PARD3B: variants seen among roughly 807,000 people sequenced by gnomAD.
The protein encoded by PARD3B is partitioning defective 3 homolog B.
A neutral mutation model predicts 130.2 loss-of-function variants in PARD3B; 103 were observed. The observed-to-expected ratio is 0.79, with a 90% confidence interval of 0.67 to 0.93. The LOEUF is 0.93. Ranked by LOEUF, PARD3B falls within the 40% of genes least tolerant of loss-of-function variation. The probability of loss-of-function intolerance (pLI) is 0.00; values close to 1 mark genes in which losing one functional copy is unlikely to be tolerated. For missense variants in PARD3B, 1,609 were observed against 1,499.2 expected, an observed-to-expected ratio of 1.07 and a Z score of -1.21; for synonymous variants, 583 against 553.2, an observed-to-expected ratio of 1.05 and a Z score of -0.76.
rs2041989911 is a variant in PARD3B, at chr2:205,301,341, A to G, written c.2393-123A>G. On this transcript the variant is annotated intron_variant, in intron 17 of 22. Coordinates refer to ENST00000406610, the MANE Select transcript of PARD3B (RefSeq NM_001302769.2). The surrounding 1 kb of genome is among the most constrained non-coding windows in gnomAD (Gnocchi z 5.2). ...ATCTTCAAAGGGCGCACGTAACCACATAGAAGGGTAGAACTACAGAGTGCT... is the reference window on the plus strand; with the variant it reads ...ATCTTCAAAGGGCGCACGTAACCACGTAGAAGGGTAGAACTACAGAGTGCT... 5 of 1,482,892 alleles carry G rather than the reference A, an allele frequency of 3.4e-6. No individual in the cohort carries two copies. Among genetic ancestry groups the G allele is most frequent in the Admixed American group, 2.4e-5 (1 of 42,124 alleles). The allele number at this position is 1,482,892 out of a possible 1,614,324, so 91.9% of individuals were successfully genotyped here.
At chr2:204,764,743 T>TG (rs1559126865) in intron 2 of PARD3B, among the ~76,000 whole-genome samples, 1 of 151,116 alleles carries the variant, frequency 6.6e-6, no homozygotes, top group Non-Finnish European at 1.5e-5. Context: ...TGTGTGTGTG[T>TG]AGTTAATTTT....
At chr2:205,098,320 T>A (rs1382100063) in intron 4 of PARD3B, among the ~76,000 whole-genome samples, 2 of 152,170 alleles carry the variant, frequency 1.3e-5, no homozygotes, top group Non-Finnish European at 2.9e-5. Flanking sequence ...TGCAGTTAAA[T>A]TTTATGGGCA....
intron 1 of PARD3B, among the ~76,000 whole-genome samples, chr2:204,634,816 G>C (rs2034813584): frequency 6.6e-6 from 1 of 151,996 alleles, no homozygotes; most frequent in African/African-American, 2.4e-5. Context: ...CATCGCTTAG[G>C]TCTATTATTT....
intron 21 of PARD3B, among the ~76,000 whole-genome samples, chr2:205,519,068 G>A (rs1051610760): frequency 1.3e-5 from 2 of 152,128 alleles, no homozygotes; most frequent in Admixed American, 1.3e-4. Context: ...GTGTCTTGGG[G>A]ATGATTTTCT....
intron 2 of PARD3B, among the ~76,000 whole-genome samples, chr2:204,725,344 G>C (rs1038593475): frequency 6.6e-6 from 1 of 152,082 alleles, no homozygotes; most frequent in Non-Finnish European, 1.5e-5. Flanking sequence ...TGAACATGTA[G>C]GTGAAAACGT....
At chr2:205,145,853 C>T (rs901960238) in intron 10 of PARD3B, among the ~76,000 whole-genome samples, 5 of 151,556 alleles carry the variant, frequency 3.3e-5, no homozygotes, top group Non-Finnish European at 5.9e-5. Context: ...CCTTTTCCCC[C>T]AGATTTTTTC....
At position 205,563,886 on chromosome 2, in the gene PARD3B, C is replaced by A. The variant is rs1180630914; in HGVS notation, c.3260+10483C>A. Among the ~76,000 whole-genome samples, 2 of 152,122 alleles carry A rather than the reference C, an allele frequency of 1.3e-5. No individual in the cohort carries two copies. The highest frequency in any genetic ancestry group is 4.8e-5 in the African/African-American group (2 of 41,402). On this transcript the variant is annotated intron_variant, in intron 22 of 22. Transcript: ENST00000406610. The surrounding 1 kb of genome is among the most constrained non-coding windows in gnomAD (Gnocchi z 4.2). The stretch of plus-strand genomic sequence containing the variant: ...CATGTGCATGGACCAGGTCCCCAGC[C>A]CCTAGATTGCACTCTGCACCACTCC...
At chr2:205,175,889 G>A (rs1368376462) in intron 12 of PARD3B, among the ~76,000 whole-genome samples, 1 of 120,742 alleles carries the variant, frequency 8.3e-6, no homozygotes, top group East Asian at 2.5e-4. Flanking sequence ...AATAGGAAGG[G>A]GAAATATAGG....
At chr2:204,908,443 G>A (rs576839759) in intron 2 of PARD3B, among the ~76,000 whole-genome samples, 2 of 152,174 alleles carry the variant, frequency 1.3e-5, no homozygotes, top group African/African-American at 4.8e-5. Context: ...TTAGTGAAAT[G>A]TTAGCAATAT....
intron 2 of PARD3B, among the ~76,000 whole-genome samples, chr2:204,862,884 C>T (rs1186748593): frequency 6.6e-6 from 1 of 152,160 alleles, no homozygotes; most frequent in Non-Finnish European, 1.5e-5. Context: ...GAGAGAGAGT[C>T]CTGCTAGCAG....
At position 205,616,207 on chromosome 2, in the gene PARD3B, CCA is replaced by C; in HGVS notation, c.*395_*396del. On this transcript the variant is annotated 3_prime_UTR_variant, in exon 23 of 23. Coordinates refer to ENST00000406610, the MANE Select transcript of PARD3B (RefSeq NM_001302769.2). ...GACATCCCCCTCTGAGACTGGCGGT[CCA>C]GAGGCAGTCTCTGCCAGGCAGCATT... 5.6e-6 allele frequency: 1 copy of C among 177,490 alleles called. No individual in the cohort carries two copies. Among genetic ancestry groups the C allele is most frequent in the Admixed American group, 5.9e-5 (1 of 16,926 alleles). The allele number at this position is 177,490 out of a possible 1,614,324, so 11.0% of individuals were successfully genotyped here. A position where few individuals can be genotyped will look rare whatever the true frequency, so the allele number is the denominator to read the frequency against.
chr2:205,590,976 T>C lies in PARD3B; in HGVS notation c.3261-24480T>C, dbSNP rs971264542. Among the ~76,000 whole-genome samples the C allele has an allele frequency of 6.6e-6, 1 of 152,130 alleles. No individual in the cohort carries two copies. The highest frequency in any genetic ancestry group is 1.5e-5 in the Non-Finnish European group (1 of 68,020). ...ACAAGAGAGACAAGAATTATGTCTG[T>C]TTTGAGACCAGGATGGTCTCTTGGC... On this transcript the variant is annotated intron_variant, in intron 22 of 22. Transcript: ENST00000406610. The surrounding 1 kb of genome is among the most constrained non-coding windows in gnomAD (Gnocchi z 4.1).
At chr2:204,597,610 T>G (rs2033352580) in intron 1 of PARD3B, among the ~76,000 whole-genome samples, 1 of 152,190 alleles carries the variant, frequency 6.6e-6, no homozygotes, top group African/African-American at 2.4e-5. Flanking sequence ...TTTTTACTCT[T>G]AAGTAAATGC....
At position 205,301,801 on chromosome 2, in the gene PARD3B, G is replaced by A. The variant is rs117880083; in HGVS notation, c.2630+100G>A. ...CAGAAAAAAGCGCACGCTTTTCCTC[G>A]TCTTCAGCCAAATGCATACGGCTCT... On this transcript the variant is annotated intron_variant, in intron 18 of 22. Coordinates refer to ENST00000406610, the MANE Select transcript of PARD3B (RefSeq NM_001302769.2). This position sits in a 1 kb window ranked among gnomAD's most constrained non-coding sequence, Gnocchi z 5.2. 35 of 1,575,810 alleles carry A rather than the reference G, an allele frequency of 2.2e-5. No homozygotes were observed. In the East Asian group the frequency reaches 2.9e-4, roughly 13 times the overall value.
intron 1 of PARD3B, among the ~76,000 whole-genome samples, chr2:204,612,826 A>C (rs1463493302): frequency 6.7e-6 from 1 of 149,342 alleles, no homozygotes; most frequent in Non-Finnish European, 1.5e-5. Flanking sequence ...GCTTGAGTGA[A>C]TATTTCTTGA....
intron 16 of PARD3B, among the ~76,000 whole-genome samples, chr2:205,296,663 ATG>A (rs3048084): frequency 0.21 from 29,307 of 137,368 alleles, 3,641 homozygotes; most frequent in African/African-American, 0.37. Flanking sequence ...GTGTTTGTGT[ATG>A]TGTGTGTGTG....
chr2:205,149,668 C>T (rs930370662), intron 10 of PARD3B, among the ~76,000 whole-genome samples: 1 of 152,224 alleles, frequency 6.6e-6, no homozygotes, highest in Non-Finnish European at 1.5e-5. Flanking sequence ...ACAGTAAAAA[C>T]TGCCACCCCT....
chr2:205,207,433 G>T (rs1359628435), intron 15 of PARD3B, among the ~76,000 whole-genome samples: 1 of 148,686 alleles, frequency 6.7e-6, no homozygotes, highest in Non-Finnish European at 1.5e-5. Flanking sequence ...CCAAGAGCTG[G>T]TTTTTTGAAA....
At chr2:204,755,613 C>A (rs1037283933) in intron 2 of PARD3B, among the ~76,000 whole-genome samples, 1 of 152,050 alleles carries the variant, frequency 6.6e-6, no homozygotes, top group Non-Finnish European at 1.5e-5. Context: ...TATTTTTCTC[C>A]CAGTAAAGCA....
Sources: allele counts gnomAD v4.1 joint callset (sites outside exome capture counted in the v4.1 genomes callset), GRCh38; gene constraint gnomAD v4.1.1; non-coding constraint Gnocchi (gnomAD v3.1); transcripts MANE v1.5; gene names NCBI Gene and HGNC (gene_info 2026-07-23, HGNC 2026-07-21).